Variants in MOXD1 observed in about 807,000 individuals in gnomAD.
The protein encoded by MOXD1 is DBH-like monooxygenase protein 1.
MOXD1 carries 62 observed loss-of-function variants against 66.6 expected under a neutral mutation model. The observed-to-expected ratio is 0.93, with a 90% CI of 0.76 to 1.15. The LOEUF is 1.15. Among genes scored for constraint, MOXD1 ranks in the 50% most tolerant of loss-of-function variants. MOXD1 has a pLI of 0.00. For synonymous variants in MOXD1, 303 were observed against 281.9 expected, an observed-to-expected ratio of 1.07 and a Z score of -0.75; for missense variants, 847 against 754.6, an observed-to-expected ratio of 1.12 and a Z score of -1.44.
At chr6:132,363,222 CA>C (rs71926607) in intron 4 of MOXD1, among the ~76,000 whole-genome samples, 12,196 of 137,924 alleles carry the variant, frequency 0.088, 1,114 homozygotes, top group African/African-American at 0.23. Flanking sequence ...CAATAAAAAA[CA>C]AAAAAAAAAA....
At chr6:132,359,203 C>T (rs913996845) in intron 4 of MOXD1, among the ~76,000 whole-genome samples, 49 of 151,548 alleles carry the variant, frequency 3.2e-4, no homozygotes, top group Middle Eastern at 3.4e-3. Context: ...CACTGCAGCC[C>T]CAAACTCCTG....
intron 4 of MOXD1, among the ~76,000 whole-genome samples, chr6:132,343,465 C>T (rs990543884): frequency 2.6e-5 from 4 of 152,072 alleles, no homozygotes; most frequent in African/African-American, 9.7e-5. Context: ...ATATCAGCTA[C>T]TCAGGAGGCT....
At position 132,313,924 on chromosome 6, in the gene MOXD1, A is replaced by G. The variant is rs186920042; in HGVS notation, c.1508+1711T>C. Among the ~76,000 whole-genome samples the G allele has an allele frequency of 1.5e-3, 222 of 152,238 alleles. 2 individuals are homozygous for G. Among genetic ancestry groups the G allele is most frequent in the African/African-American group, 5.1e-3 (212 of 41,550 alleles). On this transcript the variant is annotated intron_variant, in intron 10 of 11. Transcript: ENST00000367963. Reference sequence around the variant, plus strand: ...GAGCGAAACTCTGTCTCAAAAAAACAAAAACAAAAACAAAAACAAAACCTC... The same window carrying G: ...GAGCGAAACTCTGTCTCAAAAAAACGAAAACAAAAACAAAAACAAAACCTC...
chr6:132,345,147 C>T (rs1312599562), intron 4 of MOXD1, among the ~76,000 whole-genome samples: 1 of 152,202 alleles, frequency 6.6e-6, no homozygotes, highest in Non-Finnish European at 1.5e-5. Flanking sequence ...CATCTTGTGT[C>T]ATTTCCTACC....
intron 4 of MOXD1, among the ~76,000 whole-genome samples, chr6:132,366,218 T>G (rs748120108): frequency 2.0e-5 from 3 of 152,080 alleles, no homozygotes; most frequent in Non-Finnish European, 4.4e-5. Flanking sequence ...TCAACATGAA[T>G]CTAGCTAAAA....
intron 4 of MOXD1, among the ~76,000 whole-genome samples, chr6:132,342,006 T>A (rs1449228562): frequency 1.4e-5 from 1 of 72,724 alleles, no homozygotes; most frequent in Non-Finnish European, 2.4e-5. Context: ...ACAAATCAGC[T>A]TTTTTTTTTT....
At chr6:132,300,906 T>C (rs1008291592) in intron 10 of MOXD1, among the ~76,000 whole-genome samples, 1 of 152,152 alleles carries the variant, frequency 6.6e-6, no homozygotes, top group African/African-American at 2.4e-5. Flanking sequence ...AACTTTATAC[T>C]AATAAACATC....
At chr6:132,339,190 C>T (rs1258477168) in intron 4 of MOXD1, among the ~76,000 whole-genome samples, 2 of 152,106 alleles carry the variant, frequency 1.3e-5, no homozygotes, top group Admixed American at 6.5e-5. Context: ...ATTTTCTCTA[C>T]AGAGATCTTT....
intron 4 of MOXD1, among the ~76,000 whole-genome samples, chr6:132,338,011 G>A (rs115013384): frequency 2.6e-3 from 403 of 152,258 alleles, no homozygotes; most frequent in African/African-American, 8.7e-3. Context: ...TAAGTCACAT[G>A]ATAATAGCTC....
At chr6:132,317,645 C>T (rs1774988082) in intron 9 of MOXD1, among the ~76,000 whole-genome samples, 1 of 152,094 alleles carries the variant, frequency 6.6e-6, no homozygotes, top group Non-Finnish European at 1.5e-5. Flanking sequence ...GGTATCAAGA[C>T]AGTGCACCAA....
intron 1 of MOXD1, among the ~76,000 whole-genome samples, chr6:132,396,542 C>T (rs374819969): frequency 7.9e-6 from 1 of 126,774 alleles, no homozygotes; most frequent in South Asian, 2.7e-4. Context: ...CAGAGCAACA[C>T]TAAACAAAAC....
At chr6:132,337,979 C>T (rs183712069) in intron 4 of MOXD1, among the ~76,000 whole-genome samples, 3 of 152,248 alleles carry the variant, frequency 2.0e-5, no homozygotes, top group African/African-American at 7.2e-5. Flanking sequence ...TGCGACTAAC[C>T]AGCTGTGGGA....
In MOXD1 at chr6:132,384,276, TCCTTCCTTCCTTCCTCCTTCCTTCCTC is replaced by T. The variant is rs1562299204; in HGVS notation, c.265-9526_265-9500del. The stretch of plus-strand genomic sequence containing the variant: ...TTCCTTCCTTCCTTCCTTCCTTCCT[TCCTTCCTTCCTTCCTCCTTCCTTCCTC>T]CCTCCCTCCCTTTCATTCTTCCTTT... On this transcript the variant is annotated intron_variant, in intron 1 of 11. Transcript: ENST00000367963. Among the ~76,000 whole-genome samples the T allele has an allele frequency of 3.9e-3, 372 of 95,316 alleles. 4 individuals carry two copies. The highest frequency in any genetic ancestry group is 0.016 in the Middle Eastern group (3 of 186). The allele number at this position is 95,316 out of a possible 152,430, so 62.5% of individuals were successfully genotyped here.
At chr6:132,348,757 TG>T (rs1322506302) in intron 4 of MOXD1, among the ~76,000 whole-genome samples, 1 of 152,160 alleles carries the variant, frequency 6.6e-6, no homozygotes, top group African/African-American at 2.4e-5. Context: ...TCTCTTTTCT[TG>T]GCAGATAAAG....
chr6:132,390,061 T>C (rs2275394), intron 1 of MOXD1, among the ~76,000 whole-genome samples: 64,055 of 151,078 alleles, frequency 0.42, 19,312 homozygotes, highest in African/African-American at 0.81. Flanking sequence ...ACGCCTAGTA[T>C]TAAGAAAGAA....
intron 1 of MOXD1, among the ~76,000 whole-genome samples, chr6:132,394,204 C>T (rs1776826145): frequency 6.6e-6 from 1 of 152,184 alleles, no homozygotes; most frequent in African/African-American, 2.4e-5. Flanking sequence ...ACACCACTGA[C>T]ACTGTTTACA....
In MOXD1 at chr6:132,323,921, T is replaced by A; in HGVS notation, c.1113+10A>T. On this transcript the variant is annotated intron_variant, in intron 7 of 11. Coordinates refer to ENST00000367963, the MANE Select transcript of MOXD1 (RefSeq NM_015529.4). ...CTGCAGAGAGCAGCTCAGACTCAGA[T>A]GCTGCATACCTCTTCCAGGCACTCC... The A allele has an allele frequency of 1.3e-6, 2 of 1,587,968 alleles. No individual in the cohort carries two copies. The highest frequency in any genetic ancestry group is 1.2e-5 in the South Asian group (1 of 86,160).
At chr6:132,334,095 G>A (rs1343702051) in intron 4 of MOXD1, among the ~76,000 whole-genome samples, 6 of 152,092 alleles carry the variant, frequency 3.9e-5, no homozygotes, top group Non-Finnish European at 7.4e-5. Context: ...CTCTTCTTAC[G>A]CACTTTATCC....
chr6:132,325,588 CA>C (rs1775169833), intron 6 of MOXD1, among the ~76,000 whole-genome samples: 1 of 152,342 alleles, frequency 6.6e-6, no homozygotes, highest in Admixed American at 6.5e-5. Context: ...TTGTACTTCT[CA>C]GCATCCAGAA....
Sources: allele counts gnomAD v4.1 joint callset (sites outside exome capture counted in the v4.1 genomes callset), GRCh38; gene constraint gnomAD v4.1.1; transcripts MANE v1.5; gene names NCBI Gene and HGNC (gene_info 2026-07-23, HGNC 2026-07-21).